Variants in AGBL1 observed in about 807,000 individuals in gnomAD.
AGBL1 encodes AGBL carboxypeptidase 1, also known as cytosolic carboxypeptidase 4.
In AGBL1, 130 loss-of-function variants were observed where a neutral mutation model predicts 118.9. The ratio of observed to expected loss-of-function variants is 1.09; its 90% confidence interval spans 0.95 to 1.26. The LOEUF is 1.26. Among genes scored for constraint, AGBL1 ranks in the 50% most tolerant of loss-of-function variants. AGBL1 has a pLI of 0.00. For missense variants in AGBL1, 1,584 were observed against 1,298.1 expected, an observed-to-expected ratio of 1.22 and a Z score of -3.38; for synonymous variants, 555 against 478.9, an observed-to-expected ratio of 1.16 and a Z score of -2.08.
intron 15 of AGBL1, among the ~76,000 whole-genome samples, chr15:86,277,384 C>G (rs938423589): frequency 6.6e-6 from 1 of 151,534 alleles, no homozygotes; most frequent in African/African-American, 2.4e-5. Context: ...TCAGAACTAC[C>G]ATTTGAATTC....
intron 22 of AGBL1, among the ~76,000 whole-genome samples, chr15:86,827,958 T>TTTTTTTTA (rs2079054035): frequency 3.0e-5 from 4 of 134,022 alleles, no homozygotes; most frequent in Admixed American, 7.6e-5. Context: ...TTTTTTTTTT[T>TTTTTTTTA]GAGACAGTAT....
chr15:86,419,395 G>C (rs912290509), intron 18 of AGBL1, among the ~76,000 whole-genome samples: 6 of 152,114 alleles, frequency 3.9e-5, no homozygotes, highest in African/African-American at 1.4e-4. Context: ...AAGCCGTGAG[G>C]CACTGTGCCA....
At chr15:86,282,327 G>A (rs1410787965) in intron 16 of AGBL1, among the ~76,000 whole-genome samples, 1 of 152,082 alleles carries the variant, frequency 6.6e-6, no homozygotes, top group African/African-American at 2.4e-5. Context: ...GCTTGTTACT[G>A]TTAACAATAT....
intron 5 of AGBL1, among the ~76,000 whole-genome samples, chr15:86,193,206 G>T (rs1369290170): frequency 2.0e-5 from 3 of 152,066 alleles, no homozygotes; most frequent in Non-Finnish European, 4.4e-5. Flanking sequence ...TGAGAGGAGG[G>T]TGAATTTGCC....
chr15:86,454,198 G>C (rs1022486328), intron 18 of AGBL1, among the ~76,000 whole-genome samples: 1 of 152,146 alleles, frequency 6.6e-6, no homozygotes, highest in African/African-American at 2.4e-5. Flanking sequence ...CACTGTGGTG[G>C]CTTCTGAGAG....
At chr15:86,265,856 C>T (rs1016826953) in intron 11 of AGBL1, among the ~76,000 whole-genome samples, 1 of 152,178 alleles carries the variant, frequency 6.6e-6, no homozygotes, top group South Asian at 2.1e-4. Context: ...TTCTTTCTCT[C>T]TCTTAGTTAA....
At chr15:86,556,359 G>A (rs1213482988) in intron 21 of AGBL1, 5 of 1,321,802 alleles carry the variant, frequency 3.8e-6, no homozygotes, top group Middle Eastern at 3.6e-4. Flanking sequence ...GAATAATGGA[G>A]GGAGAACTGG....
intron 23 of AGBL1, among the ~76,000 whole-genome samples, chr15:86,972,324 T>C (rs2081116629): frequency 6.6e-6 from 1 of 152,022 alleles, no homozygotes; most frequent in South Asian, 2.1e-4. Flanking sequence ...CCTTGCTATT[T>C]GCCCAACATA....
At chr15:86,277,397 T>C (rs1308716171) in intron 15 of AGBL1, among the ~76,000 whole-genome samples, 2 of 151,974 alleles carry the variant, frequency 1.3e-5, no homozygotes, top group Non-Finnish European at 2.9e-5. Context: ...TTGAATTCCT[T>C]ACACTTCCCT....
rs2080330695 is a variant in AGBL1, at chr15:86,910,103, G to T, written c.*2809G>T. The stretch of plus-strand genomic sequence containing the variant: ...ATGGCCCATGCCATTATGGAACTCT[G>T]CAAAGAATATTACAAAAACGCCTAA... On this transcript the variant is annotated 3_prime_UTR_variant, in exon 23 of 23. Coordinates refer to ENST00000614907, the MANE Select transcript of AGBL1 (RefSeq NM_001386094.1). 1 of 152,214 alleles carries T rather than the reference G, an allele frequency of 6.6e-6. No individual in the cohort carries two copies. Among genetic ancestry groups the T allele is most frequent in the African/African-American group, 2.4e-5 (1 of 41,464 alleles). The allele number at this position is 152,214 out of a possible 1,614,324, so 9.4% of individuals were successfully genotyped here.
chr15:86,348,643 T>A (rs1480337524), intron 17 of AGBL1, among the ~76,000 whole-genome samples: 3 of 152,130 alleles, frequency 2.0e-5, no homozygotes, highest in Non-Finnish European at 2.9e-5. Context: ...CTGGGTATGA[T>A]GGTGCACACC....
intron 5 of AGBL1, among the ~76,000 whole-genome samples, chr15:86,169,128 A>C (rs2077380608): frequency 6.6e-6 from 1 of 152,214 alleles, no homozygotes; most frequent in South Asian, 2.1e-4. Context: ...GCAGCCCAGC[A>C]GACTCCCTGA....
chr15:86,431,747 T>C (rs1413066736), intron 18 of AGBL1, among the ~76,000 whole-genome samples: 1 of 152,224 alleles, frequency 6.6e-6, no homozygotes, highest in Non-Finnish European at 1.5e-5. Flanking sequence ...GTTGTGGTCA[T>C]TTTATTAGGA....
chr15:86,941,696 T>C (rs2080754438), intron 23 of AGBL1, among the ~76,000 whole-genome samples: 1 of 152,224 alleles, frequency 6.6e-6, no homozygotes, highest in African/African-American at 2.4e-5. Context: ...AGGAGGCATC[T>C]TTCTTACTGG....
At chr15:86,418,749 G>T (rs902886355) in intron 18 of AGBL1, among the ~76,000 whole-genome samples, 1 of 152,052 alleles carries the variant, frequency 6.6e-6, no homozygotes, top group African/African-American at 2.4e-5. Flanking sequence ...CTTCCCACAG[G>T]CACCTCTCAT....
At chr15:86,688,610 G>T (rs1225215013) in intron 22 of AGBL1, among the ~76,000 whole-genome samples, 2 of 152,046 alleles carry the variant, frequency 1.3e-5, no homozygotes, top group African/African-American at 2.4e-5. Context: ...GGTTTATTAG[G>T]TTCTTAGAAA....
At chr15:86,413,435 T>C (rs2081648698) in intron 18 of AGBL1, among the ~76,000 whole-genome samples, 1 of 152,180 alleles carries the variant, frequency 6.6e-6, no homozygotes, top group Admixed American at 6.5e-5. Flanking sequence ...TTTTTAGTTC[T>C]TTGTGAAATC....
At chr15:86,670,407 C>CA (rs1389459387) in intron 21 of AGBL1, among the ~76,000 whole-genome samples, 1 of 151,746 alleles carries the variant, frequency 6.6e-6, no homozygotes, top group African/African-American at 2.4e-5. Context: ...AGTTTGAGAC[C>CA]AGCCTGGCCA....
chr15:86,630,035 T>C (rs1333290117), intron 21 of AGBL1, among the ~76,000 whole-genome samples: 1 of 152,240 alleles, frequency 6.6e-6, no homozygotes, highest in Non-Finnish European at 1.5e-5. Flanking sequence ...CTTGTTAAAT[T>C]CAGCATCTTT....
Sources: allele counts gnomAD v4.1 joint callset (sites outside exome capture counted in the v4.1 genomes callset), GRCh38; gene constraint gnomAD v4.1.1; transcripts MANE v1.5; gene names NCBI Gene and HGNC (gene_info 2026-07-23, HGNC 2026-07-21).